Variants in RGS7 observed in about 807,000 individuals in gnomAD.
RGS7 encodes the protein regulator of G protein signaling 7.
RGS7 carries 27 observed loss-of-function variants against 81.1 expected under a neutral mutation model. The observed-to-expected ratio is 0.33, with a 90% CI of 0.25 to 0.46. The LOEUF (loss-of-function observed/expected upper bound fraction) is 0.46. RGS7 is among the 20% of genes least tolerant of loss of function. The pLI is 1.00. For missense variants in RGS7, 396 were observed against 607.4 expected (o/e 0.65, Z 3.66); for synonymous variants, 208 against 207.7 (o/e 1.00, Z -0.01).
chr1:241,151,325 C>T (rs760311636), intron 2 of RGS7, among the ~76,000 whole-genome samples: 3 of 152,100 alleles, frequency 2.0e-5, no homozygotes, highest in Non-Finnish European at 4.4e-5. Context: ...AGGGCAACAA[C>T]CTGTCCCCAC....
chr1:240,943,202 G>A (rs951498203), intron 4 of RGS7, among the ~76,000 whole-genome samples: 2 of 152,144 alleles, frequency 1.3e-5, no homozygotes, highest in East Asian at 1.9e-4. Flanking sequence ...ATAAGTAAAC[G>A]CTATTTCCAA....
chr1:240,866,373 T>C (rs1236992351), intron 9 of RGS7, among the ~76,000 whole-genome samples: 1 of 152,042 alleles, frequency 6.6e-6, no homozygotes, highest in Admixed American at 6.6e-5. Flanking sequence ...TAGCCAGGCA[T>C]GGCGGTGGGC....
intron 3 of RGS7, among the ~76,000 whole-genome samples, chr1:241,053,329 C>A (rs2148812952): frequency 6.6e-6 from 1 of 152,274 alleles, no homozygotes; most frequent in South Asian, 2.1e-4. Flanking sequence ...GCCTTGCACT[C>A]TTTATCGTGG....
At chr1:241,254,198 C>CA (rs57205542) in intron 2 of RGS7, among the ~76,000 whole-genome samples, 17,089 of 63,792 alleles carry the variant, frequency 0.27, 1,505 homozygotes, top group East Asian at 0.33. Context: ...GACTCCATCT[C>CA]AAAAAAAAAA....
Position 240,992,482 on chromosome 1 carries a change from C to T in RGS7, c.176-9353G>A, listed in dbSNP as rs144080505. Among the ~76,000 whole-genome samples, 564 of 151,802 alleles carry T rather than the reference C, an allele frequency of 3.7e-3. 10 individuals carry two copies. In the East Asian group the frequency reaches 0.058, roughly 16 times the overall value. Reference sequence around the variant, plus strand: ...TCACGCCACTGCACTCCAGCCTGGGCGACAGAGCAAGACTCCGTCTCACAA... The same window carrying T: ...TCACGCCACTGCACTCCAGCCTGGGTGACAGAGCAAGACTCCGTCTCACAA... On this transcript the variant is annotated intron_variant, in intron 3 of 18. Transcript: ENST00000440928.
intron 2 of RGS7, among the ~76,000 whole-genome samples, chr1:241,171,500 A>G (rs1373306820): frequency 6.6e-6 from 1 of 152,240 alleles, no homozygotes; most frequent in Non-Finnish European, 1.5e-5. Context: ...GAGCATTCAT[A>G]TGACCCACGT....
At chr1:241,270,301 G>A (rs1267940365) in intron 2 of RGS7, among the ~76,000 whole-genome samples, 2 of 152,072 alleles carry the variant, frequency 1.3e-5, no homozygotes, top group Admixed American at 1.3e-4. Flanking sequence ...ATACAAGCAA[G>A]CTCATGCCCT....
chr1:241,139,265 T>G (rs904411614), intron 2 of RGS7, among the ~76,000 whole-genome samples: 1 of 148,608 alleles, frequency 6.7e-6, no homozygotes, highest in African/African-American at 2.5e-5. Context: ...TTCCTCCCAC[T>G]CTCCTTTCCT....
intron 9 of RGS7, among the ~76,000 whole-genome samples, chr1:240,867,690 C>T (rs1203844510): frequency 6.6e-6 from 1 of 152,068 alleles, no homozygotes; most frequent in African/African-American, 2.4e-5. Flanking sequence ...CCAAAGCAGG[C>T]TACTAATAGG....
intron 2 of RGS7, among the ~76,000 whole-genome samples, chr1:241,232,771 T>C (rs1307852226): frequency 6.6e-6 from 1 of 152,154 alleles, no homozygotes; most frequent in Non-Finnish European, 1.5e-5. Flanking sequence ...AGAATCTTCC[T>C]ATCTGTGAAC....
At chr1:241,297,901 G>A (rs1233199067) in intron 2 of RGS7, among the ~76,000 whole-genome samples, 1 of 152,174 alleles carries the variant, frequency 6.6e-6, no homozygotes, top group Non-Finnish European at 1.5e-5. Flanking sequence ...TCGGTCTGAA[G>A]GCACCAAATG....
intron 3 of RGS7, among the ~76,000 whole-genome samples, chr1:241,051,022 A>T (rs994006420): frequency 2.0e-5 from 3 of 152,132 alleles, no homozygotes; most frequent in African/African-American, 7.2e-5. Context: ...TCAAAGGTCA[A>T]CTGTAAAATC....
chr1:241,018,311 T>C (rs984102201), intron 3 of RGS7, among the ~76,000 whole-genome samples: 1 of 151,924 alleles, frequency 6.6e-6, no homozygotes, highest in Non-Finnish European at 1.5e-5. Context: ...CTGTGTTTTT[T>C]CCTCATGTTT....
chr1:241,240,441 C>A (rs1286878762), intron 2 of RGS7, among the ~76,000 whole-genome samples: 1 of 152,100 alleles, frequency 6.6e-6, no homozygotes, highest in Non-Finnish European at 1.5e-5. Flanking sequence ...AAAATGGCCA[C>A]AAATATTACA....
intron 2 of RGS7, among the ~76,000 whole-genome samples, chr1:241,251,601 C>G (rs947298351): frequency 2.0e-5 from 3 of 151,956 alleles, no homozygotes; most frequent in African/African-American, 7.3e-5. Context: ...CCTCCTTCTC[C>G]CAGGTTCAAG....
intron 2 of RGS7, among the ~76,000 whole-genome samples, chr1:241,317,184 T>C (rs909589551): frequency 1.3e-5 from 2 of 152,182 alleles, no homozygotes; most frequent in Non-Finnish European, 2.9e-5. Context: ...ATTTACAAGA[T>C]GTAAACAACC....
chr1:241,315,101 C>CTTTTTT (rs2080787765), intron 2 of RGS7, among the ~76,000 whole-genome samples: 2 of 52,064 alleles, frequency 3.8e-5, no homozygotes, highest in Non-Finnish European at 7.5e-5. Flanking sequence ...TTTTTTTCTT[C>CTTTTTT]TTCTTCTTTT....
At chr1:240,816,267 T>C (rs764051934) in intron 11 of RGS7, 50 bp downstream of exon 11, 2 of 1,164,254 alleles carry the variant, frequency 1.7e-6, no homozygotes, top group Non-Finnish European at 2.6e-6. Flanking sequence ...CTGGTTTTCA[T>C]AGCTGTTACT....
chr1:241,241,475 G>C (rs1262640630), intron 2 of RGS7, among the ~76,000 whole-genome samples: 1 of 152,094 alleles, frequency 6.6e-6, no homozygotes, highest in African/African-American at 2.4e-5. Flanking sequence ...TGTTCCACGG[G>C]CTTAAACACC....
Sources: allele counts gnomAD v4.1 joint callset (sites outside exome capture counted in the v4.1 genomes callset), GRCh38; gene constraint gnomAD v4.1.1; transcripts MANE v1.5; gene names NCBI Gene and HGNC (gene_info 2026-07-23, HGNC 2026-07-21).